The following LDB2 variants were observed in gnomAD, a reference collection of about 807,000 sequenced individuals.
LDB2 encodes the protein LIM domain binding 2.
Under a neutral mutation model 44.3 loss-of-function variants are expected in LDB2, and 12 were observed. That is an observed-to-expected ratio of 0.27 (90% CI 0.17 to 0.44). The LOEUF (loss-of-function observed/expected upper bound fraction) is 0.44, where lower values mean the gene tolerates loss of function less well. Among genes scored for constraint, LDB2 ranks in the 20% least tolerant of loss-of-function variants. The pLI is 1.00. For synonymous variants in LDB2, 164 were observed against 174.8 expected (o/e 0.94, Z 0.49); for missense variants, 344 against 473.5 (o/e 0.73, Z 2.54).
At chr4:16,728,182 A>G (rs1759943004) in intron 2 of LDB2, among the ~76,000 whole-genome samples, 1 of 152,202 alleles carries the variant, frequency 6.6e-6, no homozygotes, top group Admixed American at 6.5e-5. Context: ...ATGGTATCAG[A>G]CAGTTAAAAA....
chr4:16,888,156 T>C (rs1244344799), intron 1 of LDB2, among the ~76,000 whole-genome samples: 2 of 152,210 alleles, frequency 1.3e-5, no homozygotes, highest in Non-Finnish European at 2.9e-5. Context: ...GGCTGCATAT[T>C]GAGAAGCATG....
rs768641233 is a variant in LDB2, at chr4:16,502,764, A to G, written c.1001T>C (p.Met334Thr). 6.2e-7 allele frequency: 1 copy of G among 1,613,870 alleles called. No individual in the cohort carries two copies. The highest frequency in any genetic ancestry group is 8.5e-7 in the Non-Finnish European group (1 of 1,179,994). The change falls in exon 8 of 8, where the codon ATG (methionine) becomes ACG (threonine). Residue 334 changes from methionine (M) to threonine (T), a missense_variant. Around this residue, in one of 3 missense-constraint regions of LDB2, gnomAD observed 86 missense variants for 171.2 expected, o/e 0.50. Transcript: ENST00000304523. ...ATTGTTGAAGTCCTCCTCGTCGTCC[A>G]TGCCGTTGGCCGCATCATATTGCGT... ...ENTQYDAANG[M>T]DDEEDFNNSP...
chr4:16,698,980 C>T (rs1752819127), intron 2 of LDB2, among the ~76,000 whole-genome samples: 1 of 152,166 alleles, frequency 6.6e-6, no homozygotes, highest in Admixed American at 6.5e-5. Flanking sequence ...CTGATGGTAG[C>T]TCAGCTAGCA....
intron 1 of LDB2, among the ~76,000 whole-genome samples, chr4:16,825,671 A>G (rs1782922905): frequency 6.6e-6 from 1 of 152,124 alleles, no homozygotes; most frequent in South Asian, 2.1e-4. Context: ...GTGGGACTTC[A>G]TGAAATGACA....
At chr4:16,665,768 A>T (rs552149489) in intron 2 of LDB2, among the ~76,000 whole-genome samples, 1 of 152,184 alleles carries the variant, frequency 6.6e-6, no homozygotes, top group South Asian at 2.1e-4. Flanking sequence ...GGAAAAAAAA[A>T]GGGGTGTCTG....
intron 1 of LDB2, among the ~76,000 whole-genome samples, chr4:16,849,321 C>T (rs899763158): frequency 5.3e-5 from 8 of 152,224 alleles, no homozygotes; most frequent in Non-Finnish European, 1.0e-4. Flanking sequence ...TCATCTTCCT[C>T]TTTTGCTTCT....
chr4:16,735,270 G>C (rs1761659683), intron 2 of LDB2, among the ~76,000 whole-genome samples: 1 of 152,148 alleles, frequency 6.6e-6, no homozygotes, highest in South Asian at 2.1e-4. Context: ...GCATCCCAGA[G>C]AATCTGTAAG....
At chr4:16,799,569 C>A (rs748761573) in intron 1 of LDB2, among the ~76,000 whole-genome samples, 40 of 152,232 alleles carry the variant, frequency 2.6e-4, no homozygotes, top group Admixed American at 2.2e-3. Context: ...AACCTGTAAT[C>A]TGTGCCCCAG....
intron 5 of LDB2, among the ~76,000 whole-genome samples, chr4:16,577,498 C>T (rs1444738089): frequency 6.6e-6 from 1 of 151,876 alleles, no homozygotes; most frequent in Non-Finnish European, 1.5e-5. Flanking sequence ...AAATAAAATA[C>T]CTAGGAATTA....
At chr4:16,627,670 T>C (rs904599093) in intron 2 of LDB2, among the ~76,000 whole-genome samples, 2 of 152,206 alleles carry the variant, frequency 1.3e-5, no homozygotes, top group Non-Finnish European at 2.9e-5. Context: ...GCCTCCAAGA[T>C]GGCCCCAGAG....
At chr4:16,851,084 C>A (rs954971592) in intron 1 of LDB2, among the ~76,000 whole-genome samples, 1 of 151,606 alleles carries the variant, frequency 6.6e-6, no homozygotes, top group African/African-American at 2.4e-5. Flanking sequence ...TCAGTGGAAG[C>A]AGTGGGGTGC....
chr4:16,598,613 A>G lies in LDB2; in HGVS notation c.236-2738T>C, dbSNP rs150166925. Among the ~76,000 whole-genome samples the G allele has an allele frequency of 1.3e-3, 198 of 152,276 alleles. 1 individual carries two copies. The highest frequency in any genetic ancestry group is 4.6e-3 in the African/African-American group (192 of 41,556). On this transcript the variant is annotated intron_variant, in intron 2 of 7. Coordinates refer to ENST00000304523, the MANE Select transcript of LDB2 (RefSeq NM_001290.5). ...TGAGGTGTTTTTTTAATGTGTCAAT[A>G]GATAACTGCAGCCCCTTTCAACCAC...
chr4:16,662,093 T>TA (rs1377911149), intron 2 of LDB2, among the ~76,000 whole-genome samples: 1 of 152,198 alleles, frequency 6.6e-6, no homozygotes, highest in Admixed American at 6.5e-5. Context: ...AACTCAGCAT[T>TA]AATTCTATGC....
intron 1 of LDB2, among the ~76,000 whole-genome samples, chr4:16,809,372 A>G (rs1359196817): frequency 6.6e-6 from 1 of 152,212 alleles, no homozygotes. Flanking sequence ...TCAGTTCAAC[A>G]AACAGGTGTC....
intron 1 of LDB2, among the ~76,000 whole-genome samples, chr4:16,808,425 A>C (rs554836572): frequency 1.4e-3 from 212 of 152,346 alleles, no homozygotes; most frequent in African/African-American, 5.0e-3. Flanking sequence ...TGACCAGTGG[A>C]GGCTGGGGAG....
At chr4:16,852,957 C>T (rs1226471620) in intron 1 of LDB2, among the ~76,000 whole-genome samples, 1 of 151,918 alleles carries the variant, frequency 6.6e-6, no homozygotes, top group Non-Finnish European at 1.5e-5. Context: ...AATCTTTGGC[C>T]CAAATCTCTG....
chr4:16,751,095 G>A (rs1385281439), intron 2 of LDB2, among the ~76,000 whole-genome samples: 1 of 152,124 alleles, frequency 6.6e-6, no homozygotes, highest in Non-Finnish European at 1.5e-5. Context: ...CAGGCAAAGA[G>A]CACATAATGT....
chr4:16,804,016 A>G (rs968508359), intron 1 of LDB2, among the ~76,000 whole-genome samples: 1 of 152,218 alleles, frequency 6.6e-6, no homozygotes, highest in Non-Finnish European at 1.5e-5. Context: ...TTATTTCATC[A>G]CTTGATTGAG....
intron 2 of LDB2, among the ~76,000 whole-genome samples, chr4:16,613,889 A>C (rs1471885085): frequency 6.6e-6 from 1 of 152,214 alleles, no homozygotes; most frequent in Non-Finnish European, 1.5e-5. Context: ...AGCTACATTG[A>C]CATTCTTCAC....
Sources: gnomAD v4.1 joint callset for allele counts (sites outside exome capture counted in the v4.1 genomes callset) on GRCh38, gnomAD v4.1.1 for gene constraint, gnomAD v4.1.1 regional missense constraint, MANE v1.5 for transcripts, NCBI Gene and HGNC (gene_info 2026-07-23, HGNC 2026-07-21) for gene names.